Variants in NELL1 observed in about 807,000 individuals in gnomAD.
The protein encoded by NELL1 is neural EGFL like 1.
In NELL1, 76 loss-of-function variants were observed where a neutral mutation model predicts 107.4. The ratio of observed to expected loss-of-function variants is 0.71; its 90% CI spans 0.59 to 0.86. The LOEUF (loss-of-function observed/expected upper bound fraction) is 0.86, where lower values mean the gene tolerates loss of function less well. Among genes scored for constraint, NELL1 ranks in the 40% least tolerant of loss-of-function variants. The probability of loss-of-function intolerance (pLI) is 0.00; values close to 1 mark genes in which losing one functional copy is unlikely to be tolerated. For missense variants in NELL1, 1,024 were observed against 1,005.5 expected, an observed-to-expected ratio of 1.02 and a Z score of -0.25; for synonymous variants, 353 against 341.2, an observed-to-expected ratio of 1.03 and a Z score of -0.38.
At chr11:21,085,014 C>A (rs1195409800) in intron 12 of NELL1, among the ~76,000 whole-genome samples, 2 of 152,096 alleles carry the variant, frequency 1.3e-5, no homozygotes, top group Non-Finnish European at 2.9e-5. Context: ...ACATACTTAT[C>A]TTTTATGGTG....
At chr11:20,785,367 G>T (rs777912277) in intron 3 of NELL1, among the ~76,000 whole-genome samples, 2 of 152,238 alleles carry the variant, frequency 1.3e-5, no homozygotes, top group Non-Finnish European at 2.9e-5. Context: ...GTCTGTGAGA[G>T]ATATGGGTTC....
intron 2 of NELL1, among the ~76,000 whole-genome samples, chr11:20,732,775 A>C (rs755814928): frequency 2.6e-5 from 4 of 152,196 alleles, no homozygotes; most frequent in Non-Finnish European, 5.9e-5. Flanking sequence ...AGCTGTACAA[A>C]GTTTTAAGTA....
chr11:21,124,229 CA>C (rs1416700533), intron 13 of NELL1, among the ~76,000 whole-genome samples: 1 of 152,044 alleles, frequency 6.6e-6, no homozygotes, highest in Non-Finnish European at 1.5e-5. Flanking sequence ...AAATGCTAGA[CA>C]AAGGTGACAT....
chr11:21,463,953 G>T (rs1407264712), intron 15 of NELL1, among the ~76,000 whole-genome samples: 1 of 151,978 alleles, frequency 6.6e-6, no homozygotes, highest in Non-Finnish European at 1.5e-5. Flanking sequence ...TTAAGCGCTG[G>T]GCTCAGCTGA....
chr11:21,303,070 C>CTCTATATCTATATCTATA (rs3993104), intron 14 of NELL1, among the ~76,000 whole-genome samples: 2,366 of 147,584 alleles, frequency 0.016, 31 homozygotes, highest in East Asian at 0.037. Context: ...CTCTCTTTTG[C>CTCTATATCTATATCTATA]TCTATATCTA....
intron 19 of NELL1, 102 bp downstream of exon 19, chr11:21,573,511 A>G (rs571083192): frequency 9.3e-6 from 9 of 971,066 alleles, no homozygotes; most frequent in African/African-American, 6.5e-5. Context: ...TTCAATGGAC[A>G]TGGTGGAAAC....
At chr11:20,921,454 C>A (rs552669872) in intron 7 of NELL1, among the ~76,000 whole-genome samples, 3 of 152,202 alleles carry the variant, frequency 2.0e-5, no homozygotes, top group East Asian at 3.9e-4. Flanking sequence ...GATGGCAGAG[C>A]TGGGACCTAA....
At chr11:21,315,973 A>G (rs965101675) in intron 14 of NELL1, among the ~76,000 whole-genome samples, 2 of 151,894 alleles carry the variant, frequency 1.3e-5, no homozygotes, top group Non-Finnish European at 2.9e-5. Flanking sequence ...AGTTACAAAT[A>G]TTACTTTTTA....
intron 4 of NELL1, among the ~76,000 whole-genome samples, chr11:20,877,973 C>T (rs1258991909): frequency 2.0e-5 from 3 of 152,062 alleles, no homozygotes; most frequent in Admixed American, 6.5e-5. Context: ...AGAGTAAATG[C>T]GTTGTTTGCA....
chr11:20,821,011 G>C (rs1431955081), intron 3 of NELL1, among the ~76,000 whole-genome samples: 1 of 152,212 alleles, frequency 6.6e-6, no homozygotes, highest in Non-Finnish European at 1.5e-5. Flanking sequence ...ACAATGCATG[G>C]CACCTTGTAG....
intron 13 of NELL1, among the ~76,000 whole-genome samples, chr11:21,143,887 C>A (rs1259472335): frequency 2.6e-5 from 4 of 152,060 alleles, no homozygotes; most frequent in African/African-American, 9.7e-5. Flanking sequence ...CTTTATTAAC[C>A]AGGTAAAAGA....
At chr11:21,422,095 ATGTGTGTGTGTG>A (rs58034116) in intron 15 of NELL1, among the ~76,000 whole-genome samples, 6 of 118,456 alleles carry the variant, frequency 5.1e-5, no homozygotes, top group East Asian at 5.2e-4. Flanking sequence ...ATTTACACAT[ATGTGTGTGTGTG>A]TGTGTGTGTG....
In NELL1 at chr11:20,715,037, A is replaced by G. The variant is rs1753455554; in HGVS notation, c.184+36977A>G. Reference sequence around the variant, plus strand: ...GGCGGGCGGATCACGAGGTCAGGAGATCGAGACCATCCTGGCTAACATGGT... The same window carrying G: ...GGCGGGCGGATCACGAGGTCAGGAGGTCGAGACCATCCTGGCTAACATGGT... On this transcript the variant is annotated intron_variant, in intron 2 of 19. Transcript: ENST00000357134. Among the ~76,000 whole-genome samples the G allele has an allele frequency of 2.0e-5, 3 of 151,954 alleles. No homozygotes were observed. The South Asian group carries it at 6.2e-4, about 32-fold the overall frequency.
chr11:20,704,137 C>T (rs1854875054), intron 2 of NELL1, among the ~76,000 whole-genome samples: 2 of 152,212 alleles, frequency 1.3e-5, no homozygotes, highest in Admixed American at 1.3e-4. Context: ...GTGTGAGAGT[C>T]TAAGTCTCTT....
chr11:21,476,116 T>G (rs1854326594), intron 15 of NELL1, among the ~76,000 whole-genome samples: 1 of 152,158 alleles, frequency 6.6e-6, no homozygotes, highest in African/African-American at 2.4e-5. Context: ...ATACTTGTTA[T>G]CATTACCAAA....
chr11:21,371,174 G>C (rs1851351918), intron 15 of NELL1, among the ~76,000 whole-genome samples: 2 of 152,018 alleles, frequency 1.3e-5, no homozygotes, highest in Non-Finnish European at 2.9e-5. Context: ...TTTTAGCAAG[G>C]TCAAGTATTT....
chr11:20,848,746 C>T (rs529341228), intron 4 of NELL1, among the ~76,000 whole-genome samples: 3 of 152,206 alleles, frequency 2.0e-5, no homozygotes, highest in South Asian at 2.1e-4. Flanking sequence ...AGCTTCAGAC[C>T]GCATTTCTCA....
intron 15 of NELL1, among the ~76,000 whole-genome samples, chr11:21,527,793 G>A (rs1019711264): frequency 1.3e-5 from 2 of 152,164 alleles, no homozygotes; most frequent in Non-Finnish European, 2.9e-5. Context: ...ATATTTGAGG[G>A]CAGGAAGCAT....
At chr11:21,225,397 A>T (rs1222022749) in intron 13 of NELL1, among the ~76,000 whole-genome samples, 1 of 152,184 alleles carries the variant, frequency 6.6e-6, no homozygotes, top group African/African-American at 2.4e-5. Flanking sequence ...TGGTGAGAAT[A>T]TGGCTGCTGG....
Sources: allele counts gnomAD v4.1 joint callset (sites outside exome capture counted in the v4.1 genomes callset), GRCh38; gene constraint gnomAD v4.1.1; transcripts MANE v1.5; gene names NCBI Gene and HGNC (gene_info 2026-07-23, HGNC 2026-07-21).